The following CNTN6 variants were observed in gnomAD, a reference collection of about 807,000 sequenced individuals.
The protein encoded by CNTN6 is contactin-6.
Under a neutral mutation model 122.8 loss-of-function variants are expected in CNTN6, and 137 were observed. The observed-to-expected ratio is 1.12, with a 90% confidence interval of 0.97 to 1.29. The LOEUF is 1.29. Ranked by LOEUF, CNTN6 falls within the 50% of genes most tolerant of loss-of-function variation. CNTN6 has a pLI of 0.00. For synonymous variants in CNTN6, 570 were observed against 426.0 expected, an observed-to-expected ratio of 1.34 and a Z score of -4.16; for missense variants, 1,634 against 1,223.4, an observed-to-expected ratio of 1.34 and a Z score of -5.01.
At chr3:1,188,888 CT>C (rs1393225124) in intron 2 of CNTN6, among the ~76,000 whole-genome samples, 1 of 152,088 alleles carries the variant, frequency 6.6e-6, no homozygotes, top group Non-Finnish European at 1.5e-5. Context: ...GGCTAGGCTG[CT>C]TTTTTCTGTA....
intron 20 of CNTN6, among the ~76,000 whole-genome samples, chr3:1,399,284 C>G (rs923222592): frequency 6.6e-6 from 1 of 151,970 alleles, no homozygotes; most frequent in South Asian, 2.1e-4. Context: ...GATATTATAT[C>G]TTTTATAGCT....
In CNTN6 at chr3:1,314,735, C is replaced by T. The variant is rs371654702; in HGVS notation, c.762-6915C>T. ...GTAAAAGTCCATATTTATGGCAATG[C>T]GTATTCCAGAAGCACGAAACCACAG... is the stretch of plus-strand genomic sequence containing the variant. On this transcript the variant is annotated intron_variant, in intron 7 of 22. Transcript: ENST00000446702. Among the ~76,000 whole-genome samples the T allele has an allele frequency of 1.6e-4, 25 of 151,524 alleles. No individual in the cohort carries two copies. In the East Asian group the frequency reaches 3.5e-3, roughly 21 times the overall value.
chr3:1,372,383 ACC>A lies in CNTN6; in HGVS notation c.1580_1581del (p.Pro527LeufsTer3), dbSNP rs767337174. On this transcript the variant is annotated frameshift_variant, in exon 13 of 23. Coordinates refer to ENST00000446702, the MANE Select transcript of CNTN6 (RefSeq NM_001289080.2). LOFTEE classifies it high-confidence loss of function. ...GTGCTACCATGCCAGGTGTCCCATG[ACC>A]CCTCCATTGAAGTGGTATTTGTATG... 1 of 1,613,296 alleles carries A rather than the reference ACC, an allele frequency of 6.2e-7. No homozygotes were observed. The highest frequency in any genetic ancestry group is 8.5e-7 in the Non-Finnish European group (1 of 1,179,616).
intron 1 of CNTN6, among the ~76,000 whole-genome samples, chr3:1,107,454 T>G (rs1333237255): frequency 6.6e-6 from 1 of 152,136 alleles, no homozygotes; most frequent in Non-Finnish European, 1.5e-5. Flanking sequence ...CATGTAGATG[T>G]CAAAGATGCC....
chr3:1,137,648 T>C (rs1346048984), intron 1 of CNTN6, among the ~76,000 whole-genome samples: 1 of 152,202 alleles, frequency 6.6e-6, no homozygotes, highest in Non-Finnish European at 1.5e-5. Context: ...TTACACTTTG[T>C]ATGTACAAAC....
At chr3:1,299,766 A>G (rs1032788580) in intron 7 of CNTN6, among the ~76,000 whole-genome samples, 1 of 152,192 alleles carries the variant, frequency 6.6e-6, no homozygotes, top group Non-Finnish European at 1.5e-5. Flanking sequence ...GACAGATTCA[A>G]TTCCCAATTT....
chr3:1,122,797 C>T (rs1253450053), intron 1 of CNTN6, among the ~76,000 whole-genome samples: 2 of 151,804 alleles, frequency 1.3e-5, no homozygotes, highest in East Asian at 1.9e-4. Context: ...CTCTTTATGG[C>T]TGAATAATAT....
intron 7 of CNTN6, among the ~76,000 whole-genome samples, chr3:1,311,097 A>G (rs935603875): frequency 5.6e-4 from 83 of 149,148 alleles, no homozygotes; most frequent in Non-Finnish European, 1.0e-3. Context: ...AGCAAAACAA[A>G]TACATACTTA....
rs71619483 is a variant in CNTN6, at chr3:1,280,459, AT to A, written c.454+1974del. Among the ~76,000 whole-genome samples the A allele has an allele frequency of 1.4e-3, 93 of 66,626 alleles. 2 individuals are homozygous for A. The highest frequency in any genetic ancestry group is 3.5e-3 in the Admixed American group (16 of 4,624). The allele number at this position is 66,626 out of a possible 152,430, so 43.7% of individuals were successfully genotyped here. A position where few individuals can be genotyped will look rare whatever the true frequency, so the allele number is the denominator to read the frequency against. On this transcript the variant is annotated intron_variant, in intron 5 of 22. Transcript: ENST00000446702. ...GTAATGGCAAACTTGTGTAATACCA[AT>A]TTTTTTTTTTTTTTTTTTTTTTGTG... is the stretch of plus-strand genomic sequence containing the variant.
chr3:1,400,374 A>T (rs2126258818), intron 20 of CNTN6, among the ~76,000 whole-genome samples: 1 of 152,096 alleles, frequency 6.6e-6, no homozygotes. Context: ...TGACTTCCCA[A>T]CCTGGATTCT....
intron 7 of CNTN6, among the ~76,000 whole-genome samples, chr3:1,315,178 T>G (rs1055289590): frequency 6.6e-6 from 1 of 152,012 alleles, no homozygotes; most frequent in African/African-American, 2.4e-5. Context: ...AAGATCCACC[T>G]TCCTCCATGG....
chr3:1,219,365 C>T (rs748025576), intron 2 of CNTN6, among the ~76,000 whole-genome samples: 3 of 152,120 alleles, frequency 2.0e-5, no homozygotes, highest in South Asian at 2.1e-4. Flanking sequence ...TTATTACCTC[C>T]AATGGTGTAT....
intron 7 of CNTN6, among the ~76,000 whole-genome samples, chr3:1,306,886 A>T (rs497941): frequency 0.28 from 42,244 of 152,098 alleles, 9,088 homozygotes; most frequent in African/African-American, 0.61. Flanking sequence ...TTATCATTTT[A>T]AATTCTGTTC....
intron 1 of CNTN6, chr3:1,128,311 G>A (rs1393725673): frequency 1.3e-5 from 2 of 151,916 alleles, no homozygotes; most frequent in Non-Finnish European, 2.9e-5. Flanking sequence ...ATGATACCCT[G>A]AGGATGACAT....
chr3:1,134,290 G>C (rs753643360), intron 1 of CNTN6, among the ~76,000 whole-genome samples: 1 of 152,122 alleles, frequency 6.6e-6, no homozygotes, highest in Non-Finnish European at 1.5e-5. Flanking sequence ...GACCAGAGTT[G>C]TTGCTCCATT....
intron 4 of CNTN6, among the ~76,000 whole-genome samples, chr3:1,249,949 T>C (rs916123195): frequency 6.6e-6 from 1 of 151,964 alleles, no homozygotes; most frequent in East Asian, 1.9e-4. Context: ...TTTTTTGTTG[T>C]TTTTTGTTTT....
intron 22 of CNTN6, 107 bp downstream of exon 22, chr3:1,402,593 G>A: frequency 1.1e-6 from 1 of 945,296 alleles, no homozygotes. Context: ...TGGGTGATAA[G>A]ATAAATTTTC....
intron 17 of CNTN6, among the ~76,000 whole-genome samples, chr3:1,382,503 A>C (rs1261982671): frequency 6.6e-6 from 1 of 152,228 alleles, no homozygotes; most frequent in Non-Finnish European, 1.5e-5. Flanking sequence ...ATTTCACAGT[A>C]ATTCCATTAC....
intron 2 of CNTN6, among the ~76,000 whole-genome samples, chr3:1,167,162 C>A (rs761779924): frequency 6.6e-6 from 1 of 151,630 alleles, no homozygotes; most frequent in African/African-American, 2.4e-5. Flanking sequence ...AACAAACAAA[C>A]AAACAAACAA....
Sources: allele counts gnomAD v4.1 joint callset (sites outside exome capture counted in the v4.1 genomes callset), GRCh38; gene constraint gnomAD v4.1.1; transcripts MANE v1.5; gene names NCBI Gene and HGNC (gene_info 2026-07-23, HGNC 2026-07-21).